EIF4EBP3: variants seen among roughly 807,000 people sequenced by gnomAD.
The protein encoded by EIF4EBP3 is eukaryotic translation initiation factor 4E-binding protein 3.
Under a neutral mutation model 12.1 loss-of-function variants are expected in EIF4EBP3, and 11 were observed. The ratio of observed to expected loss-of-function variants is 0.91; its 90% CI spans 0.57 to 1.51. The LOEUF is 1.51. Among genes scored for constraint, EIF4EBP3 ranks in the 40% most tolerant of loss-of-function variants. EIF4EBP3 has a pLI of 0.00. For missense variants in EIF4EBP3, 136 were observed against 131.8 expected (o/e 1.03, Z -0.16); for synonymous variants, 43 against 54.2 (o/e 0.79, Z 0.91).
At position 140,547,695 on chromosome 5, in the gene EIF4EBP3, A is replaced by G; in HGVS notation, c.-43A>G. The G allele has an allele frequency of 6.6e-7, 1 of 1,518,610 alleles. No individual in the cohort carries two copies. The highest frequency in any genetic ancestry group is 1.2e-5 in the South Asian group (1 of 83,088). The allele number at this position is 1,518,610 out of a possible 1,614,324, so 94.1% of individuals were successfully genotyped here. On this transcript the variant is annotated 5_prime_UTR_variant, in exon 1 of 3. Transcript: ENST00000310331. ...CTCAGACTCAGAGCTGCGCTCCTCGACCTCAACGCCAGGCGGTTACTTTGC... is the reference window on the plus strand; with the variant it reads ...CTCAGACTCAGAGCTGCGCTCCTCGGCCTCAACGCCAGGCGGTTACTTTGC...
intron 1 of EIF4EBP3, 63 bp downstream of exon 1, chr5:140,547,903 G>A: frequency 7.5e-7 from 1 of 1,325,768 alleles, no homozygotes; most frequent in Non-Finnish European, 9.9e-7. Flanking sequence ...GTTGTTGCGG[G>A]GCGGGGGTAG....
Position 140,547,829 on chromosome 5 carries a change from C to T in EIF4EBP3, c.92C>T (p.Thr31Ile). The T allele has an allele frequency of 1.4e-6, 2 of 1,476,022 alleles. No homozygotes were observed. Among genetic ancestry groups the T allele is most frequent in the Non-Finnish European group, 1.8e-6 (2 of 1,109,346 alleles). The allele number at this position is 1,476,022 out of a possible 1,614,324, so 91.4% of individuals were successfully genotyped here. Reference sequence around the variant, plus strand: ...ACGCCGGGGGGCACGCTATACGCCACTACCCCCGGAGGTCAGCGGGCCGGG... The same window carrying T: ...ACGCCGGGGGGCACGCTATACGCCATTACCCCCGGAGGTCAGCGGGCCGGG... ...STTPGGTLYATTPGGTRIIYD... is the reference protein window; with the variant it reads ...STTPGGTLYAITPGGTRIIYD... The change falls in exon 1 of 3, where the codon ACT becomes ATT. Residue 31 changes from threonine to isoleucine, a missense_variant. Transcript: ENST00000310331.
At position 140,549,464 on chromosome 5, in the gene EIF4EBP3, C is replaced by A; in HGVS notation, c.*202C>A. The A allele has an allele frequency of 1.3e-6, 1 of 752,102 alleles. No individual in the cohort carries two copies. Among genetic ancestry groups the A allele is most frequent in the Non-Finnish European group, 2.2e-6 (1 of 456,912 alleles). The allele number at this position is 752,102 out of a possible 1,614,324, so 46.6% of individuals were successfully genotyped here. A position where few individuals can be genotyped will look rare whatever the true frequency, so the allele number is the denominator to read the frequency against. ...GCAACTTGCCAAGCCCTTAACTCTA[C>A]TTCCTCTTCAGTCTGTGGTACTCCT... is the stretch of plus-strand genomic sequence containing the variant. On this transcript the variant is annotated 3_prime_UTR_variant, in exon 3 of 3. Coordinates refer to ENST00000310331, the MANE Select transcript of EIF4EBP3 (RefSeq NM_003732.3).
Position 140,549,498 on chromosome 5 carries a change from T to A in EIF4EBP3, c.*236T>A, listed in dbSNP as rs1581394782. The A allele has an allele frequency of 3.2e-6, 2 of 618,218 alleles. No homozygotes were observed. The highest frequency in any genetic ancestry group is 5.7e-6 in the Non-Finnish European group (2 of 353,534). The allele number at this position is 618,218 out of a possible 1,614,324, so 38.3% of individuals were successfully genotyped here. A position where few individuals can be genotyped will look rare whatever the true frequency, so the allele number is the denominator to read the frequency against. On this transcript the variant is annotated 3_prime_UTR_variant, in exon 3 of 3. Transcript: ENST00000310331. ...CAGTCTGTGGTACTCCTCCTAACCC[T>A]AAACCCTCTATGCTCAGGGGCTGGA...
chr5:140,548,681 C>T (rs191582034), intron 1 of EIF4EBP3, among the ~76,000 whole-genome samples: 25 of 152,248 alleles, frequency 1.6e-4, no homozygotes, highest in Non-Finnish European at 2.8e-4. Flanking sequence ...AGCTGGGATG[C>T]CCCCCTTGCT....
Position 140,549,538 on chromosome 5 carries a change from TA to T in EIF4EBP3, c.*278del, listed in dbSNP as rs902826282. 2 of 534,894 alleles carry T rather than the reference TA, an allele frequency of 3.7e-6. No homozygotes were observed. The highest frequency in any genetic ancestry group is 3.1e-5 in the Admixed American group (1 of 31,958). The allele number at this position is 534,894 out of a possible 1,614,324, so 33.1% of individuals were successfully genotyped here. ...CAGGGGCTGGAACTGGGGAATGGAG[TA>T]AGTCACCTTCTGACTGCTTAGTAAA... On this transcript the variant is annotated 3_prime_UTR_variant, in exon 3 of 3. Coordinates refer to ENST00000310331, the MANE Select transcript of EIF4EBP3 (RefSeq NM_003732.3).
chr5:140,548,656 G>T (rs1174345721), intron 1 of EIF4EBP3, among the ~76,000 whole-genome samples: 1 of 152,158 alleles, frequency 6.6e-6, no homozygotes, highest in Non-Finnish European at 1.5e-5. Context: ...CAAACATAAA[G>T]CCCCTGCCTA....
intron 1 of EIF4EBP3, among the ~76,000 whole-genome samples, chr5:140,548,443 T>C (rs1272382891): frequency 6.6e-6 from 1 of 152,236 alleles, no homozygotes; most frequent in Non-Finnish European, 1.5e-5. Context: ...TTCTCCTCCC[T>C]GCAGGAGATA....
rs768378604 is a variant in EIF4EBP3, at chr5:140,548,970, AC to A, written c.174del (p.Cys59AlafsTer23). The A allele has an allele frequency of 6.2e-7, 1 of 1,613,634 alleles. No homozygotes were observed. The highest frequency in any genetic ancestry group is 8.5e-7 in the Non-Finnish European group (1 of 1,179,886). On this transcript the variant is annotated frameshift_variant, in exon 2 of 3. Transcript: ENST00000310331. LOFTEE classifies it high-confidence loss of function. ...GCAAGAACTCACCCATTGCCCGGAC[AC>A]CCCCCTGCTGCCTCCCTCAGATTCC... ...ECKNSPIART[P>X]PCCLPQIPGV... is the part of the protein sequence containing the mutation.
Position 140,547,848 on chromosome 5 carries a change from G to A in EIF4EBP3, c.103+8G>A. The A allele has an allele frequency of 7.0e-7, 1 of 1,437,174 alleles. No individual in the cohort carries two copies. Among genetic ancestry groups the A allele is most frequent in the South Asian group, 1.4e-5 (1 of 69,772 alleles). The allele number at this position is 1,437,174 out of a possible 1,614,324, so 89.0% of individuals were successfully genotyped here. A position where few individuals can be genotyped will look rare whatever the true frequency, so the allele number is the denominator to read the frequency against. On this transcript the variant is annotated splice_region_variant and intron_variant, in intron 1 of 2. Coordinates refer to ENST00000310331, the MANE Select transcript of EIF4EBP3 (RefSeq NM_003732.3). The stretch of plus-strand genomic sequence containing the variant: ...ACGCCACTACCCCCGGAGGTCAGCG[G>A]GCCGGGCAGGGGTCCGCAGGCTGCG...
Position 140,548,976 on chromosome 5 carries a change from C to T in EIF4EBP3, c.174C>T (p.Pro58=), listed in dbSNP as rs1754460141. The change falls in exon 2 of 3, where the codon CCC becomes CCT. Residue 58 remains proline, a synonymous_variant. Coordinates refer to ENST00000310331, the MANE Select transcript of EIF4EBP3 (RefSeq NM_003732.3). ...ACTCACCCATTGCCCGGACACCCCC[C>T]TGCTGCCTCCCTCAGATTCCCGGGG... ...CKNSPIARTP[P]CCLPQIPGVT... The T allele has an allele frequency of 6.2e-7, 1 of 1,614,072 alleles. No homozygotes were observed. The highest frequency in any genetic ancestry group is 8.5e-7 in the Non-Finnish European group (1 of 1,180,034).
rs954665262 is a variant in EIF4EBP3 at position 140,548,952 on chromosome 5, C to T, written c.150C>T (p.Asn50=). ...YDRKFLLECK[N]SPIARTPPCC... is the part of the protein sequence containing the mutation. ...GAAAGTTCCTGCTGGAGTGCAAGAA[C>T]TCACCCATTGCCCGGACACCCCCCT... is the stretch of plus-strand genomic sequence containing the variant. The change falls in exon 2 of 3, where the codon AAC becomes AAT. Residue 50 remains asparagine, a synonymous_variant. Coordinates refer to ENST00000310331, the MANE Select transcript of EIF4EBP3 (RefSeq NM_003732.3). 1 of 1,614,174 alleles carries T rather than the reference C, an allele frequency of 6.2e-7. No individual in the cohort carries two copies. The highest frequency in any genetic ancestry group is 1.7e-5 in the Admixed American group (1 of 60,024).
At position 140,547,815 on chromosome 5, in the gene EIF4EBP3, C is replaced by A; in HGVS notation, c.78C>A (p.Gly26=). The change falls in exon 1 of 3, where the codon GGC becomes GGA. Residue 26 remains glycine (G), a synonymous_variant. Coordinates refer to ENST00000310331, the MANE Select transcript of EIF4EBP3 (RefSeq NM_003732.3). ...ACTGCTACAGCACCACGCCGGGGGG[C>A]ACGCTATACGCCACTACCCCCGGAG... ...LPDCYSTTPG[G]TLYATTPGGT... 6.6e-7 allele frequency: 1 copy of A among 1,520,374 alleles called. No homozygotes were observed. The highest frequency in any genetic ancestry group is 2.1e-5 in the Admixed American group (1 of 47,850). The allele number at this position is 1,520,374 out of a possible 1,614,324, so 94.2% of individuals were successfully genotyped here. A position where few individuals can be genotyped will look rare whatever the true frequency, so the allele number is the denominator to read the frequency against.
chr5:140,548,681 C>A (rs191582034), intron 1 of EIF4EBP3, among the ~76,000 whole-genome samples: 1 of 152,130 alleles, frequency 6.6e-6, no homozygotes, highest in Non-Finnish European at 1.5e-5. Flanking sequence ...AGCTGGGATG[C>A]CCCCCTTGCT....
chr5:140,548,735 T>C (rs916495009), intron 1 of EIF4EBP3, among the ~76,000 whole-genome samples, 171 bp from the exon 2 acceptor site: 3 of 152,168 alleles, frequency 2.0e-5, no homozygotes, highest in Non-Finnish European at 4.4e-5. Flanking sequence ...TTAAGCACTA[T>C]GAAGGCTTGT....
At chr5:140,549,150 A>G in intron 2 of EIF4EBP3, 74 bp downstream of exon 2, 2 of 1,614,224 alleles carry the variant, frequency 1.2e-6, no homozygotes, top group Non-Finnish European at 1.7e-6. Flanking sequence ...GCGGGGGTTC[A>G]GTTCCAAGAG....
chr5:140,549,208 T>C (rs375772783), intron 2 of EIF4EBP3, 26 bp from the exon 3 acceptor site: 86 of 1,614,124 alleles, frequency 5.3e-5, no homozygotes, highest in Non-Finnish European at 6.9e-5. Flanking sequence ...ACCAGCAACC[T>C]GTCTTCCTGC....
Position 140,549,273 on chromosome 5 carries a change from A to G in EIF4EBP3, c.*11A>G. On this transcript the variant is annotated 3_prime_UTR_variant, in exon 3 of 3. Transcript: ENST00000310331. The stretch of plus-strand genomic sequence containing the variant: ...GAAATGGACATCTAATCCAGTGCAG[A>G]TGACCTGGCATGTGGAGTTACAGAG... 6.2e-7 allele frequency: 1 copy of G among 1,614,124 alleles called. No homozygotes were observed. Among genetic ancestry groups the G allele is most frequent in the Non-Finnish European group, 8.5e-7 (1 of 1,179,998 alleles).
chr5:140,548,874 T>A (rs774685989), intron 1 of EIF4EBP3, 32 bp from the exon 2 acceptor site: 2 of 1,594,096 alleles, frequency 1.3e-6, no homozygotes, highest in South Asian at 2.3e-5. Context: ...CCCAAGCTCC[T>A]GACTCTTACC....
Sources: gnomAD v4.1 joint callset for allele counts (sites outside exome capture counted in the v4.1 genomes callset) on GRCh38, gnomAD v4.1.1 for gene constraint, MANE v1.5 for transcripts, NCBI Gene and HGNC (gene_info 2026-07-23, HGNC 2026-07-21) for gene names.